The following ADGRL2 variants were observed in gnomAD, a reference collection of about 807,000 sequenced individuals.
ADGRL2 encodes calcium-independent alpha-latrotoxin receptor 2.
A neutral mutation model predicts 157.4 loss-of-function variants in ADGRL2; 44 were observed. The ratio of observed to expected loss-of-function variants is 0.28; its 90% confidence interval spans 0.22 to 0.36. The LOEUF is 0.36. Ranked by LOEUF, ADGRL2 falls within the 10% of genes least tolerant of loss-of-function variation. The pLI is 1.00. For missense variants in ADGRL2, 1,510 were observed against 1,768.9 expected, an observed-to-expected ratio of 0.85 and a Z score of 2.63; for synonymous variants, 585 against 624.7, an observed-to-expected ratio of 0.94 and a Z score of 0.95.
At chr1:81,551,173 G>C (rs1391714585) in intron 2 of ADGRL2, among the ~76,000 whole-genome samples, 8 of 152,156 alleles carry the variant, frequency 5.3e-5, no homozygotes, top group Non-Finnish European at 1.0e-4. Context: ...GTGGAAACTA[G>C]AATTTTTGGG....
intron 1 of ADGRL2, among the ~76,000 whole-genome samples, chr1:81,826,628 A>G (rs2091505674): frequency 6.6e-6 from 1 of 152,344 alleles, no homozygotes; most frequent in African/African-American, 2.4e-5. Context: ...TTTATCATTT[A>G]TCTTCTTGTA....
At chr1:81,373,636 A>T (rs6689467) in intron 1 of ADGRL2, among the ~76,000 whole-genome samples, 79,501 of 152,020 alleles carry the variant, frequency 0.52, 23,011 homozygotes, top group East Asian at 0.72. Context: ...ATGGAAAAAA[A>T]TAAGTTCAAT....
chr1:81,864,461 G>A (rs2093477087), intron 2 of ADGRL2, among the ~76,000 whole-genome samples: 1 of 152,004 alleles, frequency 6.6e-6, no homozygotes, highest in Non-Finnish European at 1.5e-5. Context: ...CCAGAATATT[G>A]CACCTAAGAA....
chr1:81,487,298 G>A (rs1407611794), intron 2 of ADGRL2, among the ~76,000 whole-genome samples: 1 of 151,660 alleles, frequency 6.6e-6, no homozygotes, highest in African/African-American at 2.4e-5. Flanking sequence ...TGTATAAGTG[G>A]CCAAATCACA....
chr1:81,828,955 G>A (rs977651630), intron 1 of ADGRL2, among the ~76,000 whole-genome samples: 4 of 150,470 alleles, frequency 2.7e-5, no homozygotes, highest in Non-Finnish European at 5.9e-5. Context: ...CTTGTTGCCT[G>A]GGCTAGAGTG....
intron 3 of ADGRL2, among the ~76,000 whole-genome samples, chr1:81,666,587 C>A: frequency 6.6e-6 from 1 of 152,260 alleles, no homozygotes; most frequent in Admixed American, 6.5e-5. Context: ...TAAAGAATTT[C>A]TCTCTCTAAG....
At chr1:81,913,009 C>T (rs2094768844) in intron 3 of ADGRL2, among the ~76,000 whole-genome samples, 1 of 152,042 alleles carries the variant, frequency 6.6e-6, no homozygotes, top group Admixed American at 6.6e-5. Flanking sequence ...AGCTTTAGAA[C>T]TTTAGGTATA....
chr1:81,750,821 A>T (rs187312850), intron 1 of ADGRL2, among the ~76,000 whole-genome samples: 10 of 152,340 alleles, frequency 6.6e-5, no homozygotes. Context: ...ATATAGATAT[A>T]TATGGAAATA....
At chr1:81,789,440 G>T (rs933512823) in intron 2 of ADGRL2, among the ~76,000 whole-genome samples, 10 of 151,952 alleles carry the variant, frequency 6.6e-5, no homozygotes, top group African/African-American at 2.2e-4. Context: ...TTAAAAGCAG[G>T]AATGTTGCTG....
chr1:81,352,316 T>A (rs995720116), intron 1 of ADGRL2, among the ~76,000 whole-genome samples: 5 of 152,232 alleles, frequency 3.3e-5, no homozygotes, highest in Non-Finnish European at 5.9e-5. Flanking sequence ...TGAAATCGTC[T>A]TGCTGTTTAT....
chr1:81,986,451 T>A (rs1663183708), intron 21 of ADGRL2, among the ~76,000 whole-genome samples: 1 of 152,100 alleles, frequency 6.6e-6, no homozygotes, highest in Admixed American at 6.6e-5. Context: ...TTCCTCCTGC[T>A]CAGTTGGTAT....
At chr1:81,331,603 G>T (rs930977315) in intron 1 of ADGRL2, among the ~76,000 whole-genome samples, 1 of 152,118 alleles carries the variant, frequency 6.6e-6, no homozygotes, top group Non-Finnish European at 1.5e-5. Context: ...TGACATTAAG[G>T]AAAGGTCAGG....
chr1:81,741,232 T>C (rs2085063166), intron 1 of ADGRL2, among the ~76,000 whole-genome samples: 1 of 150,640 alleles, frequency 6.6e-6, no homozygotes, highest in African/African-American at 2.4e-5. Flanking sequence ...AAACAAAACA[T>C]GGTAAAGAAA....
intron 2 of ADGRL2, among the ~76,000 whole-genome samples, chr1:81,868,333 G>A (rs949361301): frequency 1.3e-5 from 2 of 151,948 alleles, no homozygotes; most frequent in East Asian, 3.9e-4. Flanking sequence ...TTTCATTTTT[G>A]TCCTCCTGTT....
intron 2 of ADGRL2, among the ~76,000 whole-genome samples, chr1:81,783,330 G>A (rs900834518): frequency 4.6e-5 from 7 of 151,656 alleles, no homozygotes; most frequent in African/African-American, 1.4e-4. Flanking sequence ...GGGTTTCACC[G>A]TGTTGCCCAT....
intron 1 of ADGRL2, among the ~76,000 whole-genome samples, chr1:81,719,445 C>T (rs2149113987): frequency 1.3e-5 from 2 of 152,280 alleles, no homozygotes; most frequent in South Asian, 4.1e-4. Context: ...GTTTCTCAAT[C>T]CTGCTTCTTT....
Position 81,725,754 on chromosome 1 carries a change from A to G in ADGRL2, c.-143+25946A>G, listed in dbSNP as rs543069314. Among the ~76,000 whole-genome samples the G allele has an allele frequency of 5.3e-5, 8 of 152,298 alleles. No individual in the cohort carries two copies. In the South Asian group the frequency reaches 1.7e-3, roughly 32 times the overall value. ...TAATAGTAAAATTCCTCTTCTGAAA[A>G]TGTGTACTGTGCTTTTAGATTTTTA... On this transcript the variant is annotated intron_variant, in intron 1 of 20. Coordinates refer to the ADGRL2 transcript ENST00000359929.
upstream of ADGRL2, among the ~76,000 whole-genome samples, chr1:81,697,984 G>C (rs149615411): frequency 3.9e-5 from 6 of 152,084 alleles, no homozygotes; most frequent in Non-Finnish European, 8.8e-5. Flanking sequence ...ATTTAGGAAA[G>C]GCATGGACAA....
At chr1:81,963,763 G>A (rs1445951308) in intron 11 of ADGRL2, among the ~76,000 whole-genome samples, 1 of 151,168 alleles carries the variant, frequency 6.6e-6, no homozygotes, top group East Asian at 2.0e-4. Flanking sequence ...TAAAATGTGT[G>A]TATATTTTAT....
Sources: gnomAD v4.1 joint callset for allele counts (sites outside exome capture counted in the v4.1 genomes callset) on GRCh38, gnomAD v4.1.1 for gene constraint, MANE v1.5 for transcripts, NCBI Gene and HGNC (gene_info 2026-07-23, HGNC 2026-07-21) for gene names.